Variants in ANXA2 observed in about 807,000 individuals in gnomAD.
ANXA2 encodes annexin II.
ANXA2 carries 28 observed loss-of-function variants against 47.3 expected under a neutral mutation model. That is an observed-to-expected ratio of 0.59 (90% CI 0.44 to 0.81). The LOEUF is 0.81. Ranked by LOEUF, ANXA2 falls within the 40% of genes least tolerant of loss-of-function variation. The probability of loss-of-function intolerance (pLI) is 0.00; values close to 1 mark genes in which losing one functional copy is unlikely to be tolerated. For missense variants in ANXA2, 384 were observed against 414.3 expected, an observed-to-expected ratio of 0.93 and a Z score of 0.64; for synonymous variants, 172 against 155.5, an observed-to-expected ratio of 1.11 and a Z score of -0.79.
chr15:60,364,393 A>T (rs770228036), intron 4 of ANXA2, 36 bp downstream of exon 4: 1 of 1,559,444 alleles, frequency 6.4e-7, no homozygotes, highest in East Asian at 2.2e-5. Context: ...CAAAAATTCA[A>T]CAAGAAATGC....
At chr15:60,367,287 C>T (rs867350233) in intron 3 of ANXA2, among the ~76,000 whole-genome samples, 47 of 101,808 alleles carry the variant, frequency 4.6e-4, no homozygotes, top group African/African-American at 1.0e-3. Context: ...GCCCCCCGCC[C>T]GGCCAGCCGC....
chr15:60,376,823 C>T (rs1200764946), intron 3 of ANXA2, among the ~76,000 whole-genome samples: 1 of 152,228 alleles, frequency 6.6e-6, no homozygotes, highest in Non-Finnish European at 1.5e-5. Context: ...TGTGCACCAT[C>T]CGTGTACTCG....
intron 3 of ANXA2, among the ~76,000 whole-genome samples, chr15:60,372,231 T>C (rs1464674990): frequency 6.6e-6 from 1 of 152,136 alleles, no homozygotes; most frequent in Non-Finnish European, 1.5e-5. Flanking sequence ...CCATATTCTA[T>C]CACGTACTTC....
intron 4 of ANXA2, chr15:60,363,021 C>A (rs1346718755): frequency 4.0e-5 from 3 of 74,150 alleles, no homozygotes; most frequent in Non-Finnish European, 7.9e-5. Flanking sequence ...CAGAGCAAGA[C>A]CCTGTCACAA....
At chr15:60,394,828 C>T (rs2140946266) in intron 1 of ANXA2, 1 of 151,968 alleles carries the variant, frequency 6.6e-6, no homozygotes, top group Non-Finnish European at 1.5e-5. Flanking sequence ...CTGACCTGTC[C>T]CTGGAGAAAG....
intron 4 of ANXA2, among the ~76,000 whole-genome samples, chr15:60,361,269 C>A (rs1356644161): frequency 6.6e-6 from 1 of 152,136 alleles, no homozygotes; most frequent in East Asian, 1.9e-4. Context: ...TCCTTAAAAT[C>A]CAAGTTAATT....
intron 4 of ANXA2, 58 bp downstream of exon 4, chr15:60,364,371 T>A: frequency 7.3e-7 from 1 of 1,372,410 alleles, no homozygotes. Context: ...GAAAAAGCAA[T>A]GTCTGAGGAA....
chr15:60,397,243 C>A, intron 1 of ANXA2: 1 of 982,070 alleles, frequency 1.0e-6, no homozygotes, highest in Non-Finnish European at 1.2e-6. Flanking sequence ...CCCACAGAAT[C>A]ATGGGGGACA....
intron 3 of ANXA2, among the ~76,000 whole-genome samples, chr15:60,366,060 G>C (rs1243955452): frequency 1.5e-5 from 2 of 132,896 alleles, no homozygotes; most frequent in Non-Finnish European, 3.2e-5. Context: ...TGTGTTGGCC[G>C]GGCTGGTCTC....
chr15:60,349,540 T>G (rs1895892374), intron 11 of ANXA2, among the ~76,000 whole-genome samples: 1 of 152,068 alleles, frequency 6.6e-6, no homozygotes, highest in South Asian at 2.1e-4. Context: ...AAAATAAATC[T>G]GAGATATAAA....
At chr15:60,380,802 C>T (rs1254711823) in intron 3 of ANXA2, among the ~76,000 whole-genome samples, 2 of 69,908 alleles carry the variant, frequency 2.9e-5, no homozygotes, top group Non-Finnish European at 4.8e-5. Flanking sequence ...GAAACTCCAT[C>T]TCAAAAAAAA....
intron 12 of ANXA2, among the ~76,000 whole-genome samples, chr15:60,348,394 T>A (rs1895826218): frequency 6.6e-6 from 1 of 152,198 alleles, no homozygotes; most frequent in African/African-American, 2.4e-5. Context: ...GAGTTCTGAA[T>A]AACTGAAAGT....
chr15:60,364,561 C>G, intron 3 of ANXA2, 38 bp from the exon 4 acceptor site: 2 of 1,535,034 alleles, frequency 1.3e-6, no homozygotes, highest in Non-Finnish European at 1.8e-6. Flanking sequence ...ACTCAGTATA[C>G]TCTAGTATTT....
At chr15:60,375,235 G>T (rs990109491) in intron 3 of ANXA2, among the ~76,000 whole-genome samples, 1 of 152,066 alleles carries the variant, frequency 6.6e-6, no homozygotes, top group African/African-American at 2.4e-5. Context: ...TCTGAGAAAG[G>T]GGGGAGAAAA....
At chr15:60,388,952 G>A (rs1221256062) in intron 1 of ANXA2, among the ~76,000 whole-genome samples, 1 of 151,570 alleles carries the variant, frequency 6.6e-6, no homozygotes, top group African/African-American at 2.4e-5. Flanking sequence ...TGCCCAGGCT[G>A]ACAGTCTTCT....
At chr15:60,395,239 G>T (rs1019095332) in intron 1 of ANXA2, among the ~76,000 whole-genome samples, 2 of 152,090 alleles carry the variant, frequency 1.3e-5, no homozygotes, top group African/African-American at 4.8e-5. Flanking sequence ...TTCTCTCTCC[G>T]CCAGATTTAA....
At chr15:60,357,738 G>A (rs546048190) in intron 5 of ANXA2, among the ~76,000 whole-genome samples, 22 of 151,512 alleles carry the variant, frequency 1.5e-4, no homozygotes, top group Non-Finnish European at 3.1e-4. Flanking sequence ...AGCTTGCAGT[G>A]AGCCGAGATC....
chr15:60,397,886 C>G, intron 1 of ANXA2, 57 bp downstream of exon 1: 1 of 1,374,030 alleles, frequency 7.3e-7, no homozygotes. Context: ...TTCCCAGCGT[C>G]TCCACACCCC....
chr15:60,392,961 A>ATTT, intron 1 of ANXA2: 1 of 1,116,136 alleles, frequency 9.0e-7, no homozygotes, highest in Non-Finnish European at 1.1e-6. Context: ...AAAAAAAAAA[A>ATTT]AATGTACTGG....
Sources: gnomAD v4.1 joint callset for allele counts (sites outside exome capture counted in the v4.1 genomes callset) on GRCh38, gnomAD v4.1.1 for gene constraint, MANE v1.5 for transcripts, NCBI Gene and HGNC (gene_info 2026-07-23, HGNC 2026-07-21) for gene names.